FBXW10B: variants seen among roughly 807,000 people sequenced by gnomAD.
The protein encoded by FBXW10B is F-box and WD repeat domain containing 10B, also known as F-box and WD repeat domain containing protein 10B.
At chr17:15,594,639 G>A in the FBXW10B span, 1 of 1,159,038 alleles carries the variant, frequency 8.6e-7, no homozygotes, top group Non-Finnish European at 1.2e-6. Context: ...GAGGTGCAGA[G>A]AACACGATGT....
chr17:15,613,751 A>T, the FBXW10B span: 1 of 1,613,704 alleles, frequency 6.2e-7, no homozygotes, highest in East Asian at 2.2e-5. Flanking sequence ...TCCTGGAAAA[A>T]AAAAAAAGAT....
chr17:15,580,406 T>C, the FBXW10B span, among the ~76,000 whole-genome samples: 1 of 151,830 alleles, frequency 6.6e-6, no homozygotes, highest in Non-Finnish European at 1.5e-5. Flanking sequence ...CAGCTACTGT[T>C]GCAGCAGTGC....
chr17:15,572,014 A>C, the FBXW10B span: 4 of 151,946 alleles, frequency 2.6e-5, no homozygotes, highest in Non-Finnish European at 2.9e-5. Flanking sequence ...ACAGAGGGGC[A>C]TAAGAAACTT....
the FBXW10B span, chr17:15,569,099 TGAGTACAG>T: frequency 1.7e-6 from 1 of 603,610 alleles, no homozygotes; most frequent in African/African-American, 1.8e-5. Flanking sequence ...ATAATAAACA[TGAGTACAG>T]GTATCTTTTT....
At chr17:15,592,891 T>G in the FBXW10B span, among the ~76,000 whole-genome samples, 1 of 151,862 alleles carries the variant, frequency 6.6e-6, no homozygotes, top group Non-Finnish European at 1.5e-5. Flanking sequence ...GATCACGAGG[T>G]TGGGAGTTCA....
the FBXW10B span, chr17:15,596,593 A>G: frequency 6.2e-7 from 1 of 1,612,420 alleles, no homozygotes; most frequent in Non-Finnish European, 8.5e-7. Context: ...GGTATCATTG[A>G]TCCTGGTGGC....
At chr17:15,613,022 A>C in the FBXW10B span, 3 of 218,670 alleles carry the variant, frequency 1.4e-5, no homozygotes, top group Non-Finnish European at 1.5e-5. Context: ...TAAACACCAA[A>C]TGCCACAGGG....
the FBXW10B span, among the ~76,000 whole-genome samples, chr17:15,589,900 A>G: frequency 1.3e-5 from 2 of 152,176 alleles, no homozygotes; most frequent in African/African-American, 2.4e-5. Flanking sequence ...CACCTTTACC[A>G]TGATTGTCTC....
the FBXW10B span, among the ~76,000 whole-genome samples, chr17:15,612,458 G>A: frequency 1.3e-5 from 2 of 151,982 alleles, no homozygotes; most frequent in Non-Finnish European, 2.9e-5. Context: ...AGCTTGCAGT[G>A]AGCCAAGACT....
the FBXW10B span, among the ~76,000 whole-genome samples, chr17:15,589,970 T>C: frequency 6.6e-6 from 1 of 152,214 alleles, no homozygotes; most frequent in Non-Finnish European, 1.5e-5. Context: ...AATACCATAT[T>C]CTAAAACGTA....
the FBXW10B span, among the ~76,000 whole-genome samples, chr17:15,602,083 G>T: frequency 1.0e-3 from 150 of 150,082 alleles, 1 homozygote; most frequent in East Asian, 0.02. Flanking sequence ...CTGCACTCTA[G>T]CCTGGGCGAG....
chr17:15,612,544 C>T, the FBXW10B span: 33 of 606,960 alleles, frequency 5.4e-5, no homozygotes, highest in South Asian at 7.3e-5. Flanking sequence ...AAGTGTCTTG[C>T]AAGTCAGTAG....
chr17:15,584,580 G>A, the FBXW10B span, among the ~76,000 whole-genome samples: 1 of 152,220 alleles, frequency 6.6e-6, no homozygotes, highest in Non-Finnish European at 1.5e-5. Context: ...TTTGCAATTG[G>A]AGTACCTTTG....
At chr17:15,598,343 C>T in the FBXW10B span, 7 of 707,720 alleles carry the variant, frequency 9.9e-6, no homozygotes, top group Middle Eastern at 7.2e-4. Context: ...ATTCTACAGA[C>T]GGTTGTTGAA....
chr17:15,598,583 C>A, the FBXW10B span: 2 of 1,613,474 alleles, frequency 1.2e-6, no homozygotes, highest in Non-Finnish European at 1.7e-6. Context: ...TTACACAAGT[C>A]CATGCAAGTG....
At chr17:15,580,183 T>A in the FBXW10B span, among the ~76,000 whole-genome samples, 1 of 152,094 alleles carries the variant, frequency 6.6e-6, no homozygotes, top group Non-Finnish European at 1.5e-5. Flanking sequence ...ATTTTTTTGT[T>A]CAAGAAAATT....
chr17:15,605,517 T>C, the FBXW10B span: 2 of 1,351,702 alleles, frequency 1.5e-6, no homozygotes, highest in South Asian at 1.5e-5. Context: ...ACAGCAGTGG[T>C]GTAAAGGAAA....
the FBXW10B span, chr17:15,593,229 ACT>A: frequency 1.9e-6 from 3 of 1,556,536 alleles, no homozygotes; most frequent in Middle Eastern, 3.9e-4. Context: ...GGCATTGCAC[ACT>A]CTCTCCTCCT....
At chr17:15,585,027 G>A in the FBXW10B span, among the ~76,000 whole-genome samples, 1 of 131,006 alleles carries the variant, frequency 7.6e-6, no homozygotes, top group Non-Finnish European at 1.6e-5. Context: ...ATGTTTATCA[G>A]CCACATTTTT....
Sources: gnomAD v4.1 joint callset for allele counts (sites outside exome capture counted in the v4.1 genomes callset) on GRCh38, gnomAD v4.1.1 for gene constraint, MANE v1.5 for transcripts, NCBI Gene and HGNC (gene_info 2026-07-23, HGNC 2026-07-21) for gene names.